The following CYB5RL variants were observed in gnomAD, a reference collection of about 807,000 sequenced individuals.
The protein encoded by CYB5RL is cytochrome b5 reductase like.
A neutral mutation model predicts 37.5 loss-of-function variants in CYB5RL; 38 were observed. The observed-to-expected ratio is 1.01, with a 90% CI of 0.78 to 1.33. The LOEUF (loss-of-function observed/expected upper bound fraction) is 1.33, where lower values mean the gene tolerates loss of function less well. Ranked by LOEUF, CYB5RL falls within the 40% of genes most tolerant of loss-of-function variation. The pLI is 0.00. For synonymous variants in CYB5RL, 141 were observed against 151.9 expected (o/e 0.93, Z 0.53); for missense variants, 388 against 394.4 (o/e 0.98, Z 0.14).
chr1:54,190,216 A>C (rs1451849718), intron 4 of CYB5RL, among the ~76,000 whole-genome samples: 1 of 152,206 alleles, frequency 6.6e-6, no homozygotes, highest in African/African-American at 2.4e-5. Flanking sequence ...AGGAGTGGTA[A>C]AGAGCGTAAC....
rs959090331 is a variant in CYB5RL at position 54,172,394 on chromosome 1, C to T, written c.*2225G>A. ...TTTGTCATGTTGGCCAGGCTGGCCT[C>T]GAACTTCTGGGCTCAGGCAATCTGC... On this transcript the variant is annotated 3_prime_UTR_variant, in exon 8 of 8. Transcript: ENST00000534324. 7.0e-6 allele frequency: 1 copy of T among 142,744 alleles called. No homozygotes were observed. Among genetic ancestry groups the T allele is most frequent in the Non-Finnish European group, 1.5e-5 (1 of 66,952 alleles). 8.8% of individuals were successfully genotyped at this position (142,744 alleles called of 1,614,324 possible).
chr1:54,176,218 C>T (rs1043472596), intron 7 of CYB5RL, among the ~76,000 whole-genome samples: 2 of 152,130 alleles, frequency 1.3e-5, no homozygotes, highest in African/African-American at 4.8e-5. Context: ...TGAGGAGAGG[C>T]CTCTATTCTG....
chr1:54,179,903 T>C lies in CYB5RL; in HGVS notation c.541-551A>G. 1.5e-5 allele frequency: 7 copies of C among 453,290 alleles called. 1 individual carries two copies. The highest frequency in any genetic ancestry group is 1.1e-4 in the South Asian group (7 of 64,248). 28.1% of individuals were successfully genotyped at this position (453,290 alleles called of 1,614,324 possible). A position where few individuals can be genotyped will look rare whatever the true frequency, so the allele number is the denominator to read the frequency against. On this transcript the variant is annotated intron_variant, in intron 6 of 7. Coordinates refer to ENST00000534324, the MANE Select transcript of CYB5RL (RefSeq NM_001031672.4). ...CTCATCTCTAGGCTAAATGAAATAA[T>C]ATGCATAAGCATGTAGCACAGCACT...
intron 1 of CYB5RL, among the ~76,000 whole-genome samples, chr1:54,197,286 C>T (rs1644016064): frequency 6.6e-6 from 1 of 151,474 alleles, no homozygotes; most frequent in East Asian, 1.9e-4. Context: ...ATAAAAGCTG[C>T]TCATAAACAC....
rs757112805 is a variant in CYB5RL, at chr1:54,174,702, A to G, written c.865T>C (p.Cys289Arg). The change falls in exon 8 of 8, where the codon TGT (cysteine) becomes CGT (arginine). Residue 289 changes from cysteine to arginine, a missense_variant. Coordinates refer to ENST00000534324, the MANE Select transcript of CYB5RL (RefSeq NM_001031672.4). ...CCRRKPFALVCGSAEFTKDIA... is the reference protein window; with the variant it reads ...CCRRKPFALVRGSAEFTKDIA... ...TCTTTGGTGAACTCAGCCGAGCCAC[A>G]GACCAGTGCGAATGGCTTTCTCCGA... 3.1e-6 allele frequency: 5 copies of G among 1,613,854 alleles called. No homozygotes were observed. The highest frequency in any genetic ancestry group is 4.2e-6 in the Non-Finnish European group (5 of 1,179,892).
chr1:54,187,787 CT>C, intron 4 of CYB5RL, 48 bp from the exon 5 acceptor site: 2 of 1,558,508 alleles, frequency 1.3e-6, no homozygotes, highest in Non-Finnish European at 8.9e-7. Flanking sequence ...TCAGCAAACC[CT>C]TTTAAGGCTG....
At chr1:54,199,612 C>T (rs1487872664) in intron 1 of CYB5RL, among the ~76,000 whole-genome samples, 2 of 152,294 alleles carry the variant, frequency 1.3e-5, no homozygotes, top group East Asian at 1.9e-4. Context: ...AGCAAAGGCG[C>T]ATCTTCATTG....
chr1:54,199,773 G>A (rs1397275265), intron 1 of CYB5RL, among the ~76,000 whole-genome samples: 2 of 152,226 alleles, frequency 1.3e-5, no homozygotes, highest in African/African-American at 4.8e-5. Flanking sequence ...TCAGGAGAGG[G>A]ACAGAGCGAC....
Position 54,198,027 on chromosome 1 carries a change from C to CAAA in CYB5RL, c.-222-1539_-222-1537dup, listed in dbSNP as rs575486117. ...TGGGTGACAGAGTGAGACTCTGTCT[C>CAAA]AAAAAAAAAAAAAAAAAAAAAAAAA... On this transcript the variant is annotated intron_variant, in intron 1 of 7. Transcript: ENST00000534324. Among the ~76,000 whole-genome samples the CAAA allele has an allele frequency of 1.2e-3, 96 of 78,500 alleles. 2 individuals are homozygous for CAAA. Among genetic ancestry groups the CAAA allele is most frequent in the African/African-American group, 3.9e-3 (68 of 17,422 alleles). The allele number at this position is 78,500 out of a possible 152,430, so 51.5% of individuals were successfully genotyped here. A position where few individuals can be genotyped will look rare whatever the true frequency, so the allele number is the denominator to read the frequency against.
Position 54,190,772 on chromosome 1 carries a change from C to T in CYB5RL, c.323G>A (p.Arg108Gln), listed in dbSNP as rs774764544. The change falls in exon 4 of 8, where the codon CGG becomes CAG. Residue 108 changes from arginine (R) to glutamine (Q), a missense_variant. By Grantham distance (43) the Arg-to-Gln change is conservative. Coordinates refer to ENST00000534324, the MANE Select transcript of CYB5RL (RefSeq NM_001031672.4). ...ALPGNSQLGL[R>Q]PGQHLILRGI... Reference sequence around the variant, plus strand: ...CCGTAGGATGAGGTGCTGGCCGGGCCGCAGGCCAAGCTGGCTGTTCCCGGG... The same window carrying T: ...CCGTAGGATGAGGTGCTGGCCGGGCTGCAGGCCAAGCTGGCTGTTCCCGGG... 1.2e-5 allele frequency: 18 copies of T among 1,557,108 alleles called. No individual in the cohort carries two copies. Among genetic ancestry groups the T allele is most frequent in the Admixed American group, 3.9e-5 (2 of 51,306 alleles).
At chr1:54,180,561 G>A (rs996757501) in intron 6 of CYB5RL, among the ~76,000 whole-genome samples, 10 of 150,808 alleles carry the variant, frequency 6.6e-5, no homozygotes, top group Admixed American at 4.0e-4. Flanking sequence ...CTGAGATCGC[G>A]CCACTGCACT....
Position 54,187,746 on chromosome 1 carries a change from A to G in CYB5RL, c.348-7T>C. 6.2e-7 allele frequency: 1 copy of G among 1,613,070 alleles called. No individual in the cohort carries two copies. Among genetic ancestry groups the G allele is most frequent in the South Asian group, 1.1e-5 (1 of 91,080 alleles). On this transcript the variant is annotated splice_region_variant and splice_polypyrimidine_tract_variant and intron_variant, in intron 4 of 7. Transcript: ENST00000534324. ...TAAGTCATCTACTATCCCTCTGAGA[A>G]ACAGAAGTGTGCAGTCAGTCAGCCA...
In CYB5RL at chr1:54,170,437, T is replaced by C. The variant is rs926316085; in HGVS notation, c.*4182A>G. On this transcript the variant is annotated 3_prime_UTR_variant, in exon 8 of 8. Transcript: ENST00000534324. Reference sequence around the variant, plus strand: ...AATCCTTTTATTATTTTTTTTAAGATGGAGTCTCGCTCTGTCGCCCAGGCT... The same window carrying C: ...AATCCTTTTATTATTTTTTTTAAGACGGAGTCTCGCTCTGTCGCCCAGGCT... The C allele has an allele frequency of 7.0e-6, 1 of 143,336 alleles. No homozygotes were observed. Among genetic ancestry groups the C allele is most frequent in the Non-Finnish European group, 1.5e-5 (1 of 65,352 alleles). 8.9% of individuals were successfully genotyped at this position (143,336 alleles called of 1,614,324 possible).
chr1:54,182,802 C>A (rs772967925), intron 6 of CYB5RL, among the ~76,000 whole-genome samples: 1 of 152,244 alleles, frequency 6.6e-6, no homozygotes, highest in Admixed American at 6.5e-5. Context: ...ATCCACCCGC[C>A]TCGGCCTCCC....
chr1:54,190,886 G>C lies in CYB5RL; in HGVS notation c.209C>G (p.Ser70Cys), dbSNP rs2100478425. 6.2e-7 allele frequency: 1 copy of C among 1,611,844 alleles called. No homozygotes were observed. The highest frequency in any genetic ancestry group is 1.8e-4 in the Middle Eastern group (1 of 5,638). The stretch of plus-strand genomic sequence containing the variant: ...CACGAAGGTCTCTGGGTTCAGCTTG[G>C]AGGGGCAGCTCTGCAACAGGAAGAG... ...LRGPESQSCP[S>C]KLNPETFVAF... Residue 70 changes from serine to cysteine, a missense_variant, in exon 4 of 8, where the codon TCC (serine) becomes TGC (cysteine). Transcript: ENST00000534324.
intron 6 of CYB5RL, among the ~76,000 whole-genome samples, chr1:54,182,004 T>C (rs964079288): frequency 1.3e-5 from 2 of 152,116 alleles, no homozygotes; most frequent in African/African-American, 4.8e-5. Flanking sequence ...ATTCCGTGCA[T>C]GTGAAGGAGC....
At chr1:54,176,208 TGAG>T (rs1317460341) in intron 7 of CYB5RL, among the ~76,000 whole-genome samples, 1 of 152,104 alleles carries the variant, frequency 6.6e-6, no homozygotes, top group Middle Eastern at 3.2e-3. Flanking sequence ...AGAGGCCCTG[TGAG>T]GAGAGGCCTC....
Position 54,195,435 on chromosome 1 carries a change from C to A in CYB5RL, c.182G>T (p.Arg61Leu). 6.2e-7 allele frequency: 1 copy of A among 1,600,482 alleles called. No individual in the cohort carries two copies. Among genetic ancestry groups the A allele is most frequent in the South Asian group, 1.1e-5 (1 of 89,978 alleles). Residue 61 changes from arginine to leucine, a missense_variant, in exon 3 of 8, where the codon CGT becomes CTT. By Grantham distance (102) the Arg-to-Leu change is moderately radical. Transcript: ENST00000534324. Reference sequence around the variant, plus strand: ...CTCTCTCACCTGTGACTCTGGCCCACGCAGCAGGCTCCTGTCCTTGCTGGC... The same window carrying A: ...CTCTCTCACCTGTGACTCTGGCCCAAGCAGCAGGCTCCTGTCCTTGCTGGC... ...AQASKDRSLL[R>L]GPESQSCPSK...
At chr1:54,178,334 T>G (rs932037106) in intron 7 of CYB5RL, among the ~76,000 whole-genome samples, 1 of 152,108 alleles carries the variant, frequency 6.6e-6, no homozygotes, top group Non-Finnish European at 1.5e-5. Flanking sequence ...AGGCTGACCC[T>G]GAGCACCAGG....
Sources: allele counts gnomAD v4.1 joint callset (sites outside exome capture counted in the v4.1 genomes callset), GRCh38; gene constraint gnomAD v4.1.1; transcripts MANE v1.5; gene names NCBI Gene and HGNC (gene_info 2026-07-23, HGNC 2026-07-21).